The following FRMD4B variants were observed in gnomAD, a reference collection of about 807,000 sequenced individuals.
FRMD4B encodes the protein FERM domain containing 4B, also known as FERM domain-containing protein 4B.
FRMD4B carries 74 observed loss-of-function variants against 141.5 expected under a neutral mutation model. The ratio of observed to expected loss-of-function variants is 0.52; its 90% CI spans 0.43 to 0.63. The LOEUF (loss-of-function observed/expected upper bound fraction) is 0.63. Ranked by LOEUF, FRMD4B falls within the 30% of genes least tolerant of loss-of-function variation. FRMD4B has a pLI of 0.00. For synonymous variants in FRMD4B, 506 were observed against 467.9 expected (o/e 1.08, Z -1.05); for missense variants, 1,366 against 1,253.4 (o/e 1.09, Z -1.36).
At chr3:69,526,204 T>G (rs757092701) in intron 1 of FRMD4B, among the ~76,000 whole-genome samples, 3 of 152,288 alleles carry the variant, frequency 2.0e-5, no homozygotes, top group Non-Finnish European at 2.9e-5. Context: ...CAGGAATTGG[T>G]GTATAAATAC....
At chr3:69,241,776 G>C (rs559842499) in intron 7 of FRMD4B, among the ~76,000 whole-genome samples, 1 of 152,190 alleles carries the variant, frequency 6.6e-6, no homozygotes, top group East Asian at 1.9e-4. Flanking sequence ...CTAATTTCAA[G>C]AAGAATTGCT....
chr3:69,450,498 A>G (rs960203416), intron 1 of FRMD4B, among the ~76,000 whole-genome samples: 4 of 152,216 alleles, frequency 2.6e-5, no homozygotes, highest in African/African-American at 9.6e-5. Flanking sequence ...CACACCACTA[A>G]TCCCAGCACT....
At chr3:69,430,478 TTGTC>T (rs1406498023) in intron 2 of FRMD4B, among the ~76,000 whole-genome samples, 1 of 152,176 alleles carries the variant, frequency 6.6e-6, no homozygotes, top group East Asian at 1.9e-4. Flanking sequence ...TGTAAAGATG[TTGTC>T]TGTCTATTTC....
chr3:69,199,271 C>CA (rs79111173), intron 11 of FRMD4B: 14,489 of 152,428 alleles, frequency 0.095, 970 homozygotes, highest in East Asian at 0.3. Context: ...GACTCCGTCT[C>CA]AAAAAAAACA....
chr3:69,437,497 T>C (rs1174773049), intron 1 of FRMD4B, among the ~76,000 whole-genome samples: 1 of 146,030 alleles, frequency 6.8e-6, no homozygotes, highest in African/African-American at 2.5e-5. Flanking sequence ...GTATTATACA[T>C]AACATACACT....
chr3:69,528,895 C>T (rs907325760), intron 1 of FRMD4B, among the ~76,000 whole-genome samples: 1 of 152,000 alleles, frequency 6.6e-6, no homozygotes, highest in African/African-American at 2.4e-5. Context: ...ACAATATACA[C>T]CCCTTAGTTT....
intron 22 of FRMD4B, among the ~76,000 whole-genome samples, chr3:69,173,690 T>A (rs529753967): frequency 6.2e-4 from 95 of 152,332 alleles, no homozygotes; most frequent in African/African-American, 2.2e-3. Flanking sequence ...CTTCTGTATC[T>A]CCGTGGCTGG....
intron 17 of FRMD4B, among the ~76,000 whole-genome samples, chr3:69,193,227 T>C (rs1387095329): frequency 6.6e-6 from 1 of 152,196 alleles, no homozygotes; most frequent in Non-Finnish European, 1.5e-5. Flanking sequence ...AAACTTAGTT[T>C]GTCAGGCGCA....
At chr3:69,301,295 G>C (rs1055267416) in intron 4 of FRMD4B, among the ~76,000 whole-genome samples, 7 of 152,032 alleles carry the variant, frequency 4.6e-5, no homozygotes, top group Non-Finnish European at 1.0e-4. Flanking sequence ...CTCAAGCTAG[G>C]TAGAGAAATA....
chr3:69,258,466 A>C (rs1032784068), intron 5 of FRMD4B, among the ~76,000 whole-genome samples: 1 of 152,326 alleles, frequency 6.6e-6, no homozygotes, highest in East Asian at 1.9e-4. Context: ...TCAAATCAAT[A>C]CAATTATTTT....
At chr3:69,387,709 T>G (rs1210360740), upstream of FRMD4B, among the ~76,000 whole-genome samples, 1 of 152,230 alleles carries the variant, frequency 6.6e-6, no homozygotes, top group Non-Finnish European at 1.5e-5. Context: ...TGAAACTCAA[T>G]CAGTCAAAAG....
intron 1 of FRMD4B, among the ~76,000 whole-genome samples, chr3:69,319,824 C>T (rs1559802631): frequency 6.6e-6 from 1 of 152,176 alleles, no homozygotes; most frequent in Non-Finnish European, 1.5e-5. Context: ...ACAGATGGTA[C>T]TACACACACT....
At chr3:69,513,828 A>G (rs1295063427) in intron 1 of FRMD4B, among the ~76,000 whole-genome samples, 1 of 152,192 alleles carries the variant, frequency 6.6e-6, no homozygotes, top group East Asian at 1.9e-4. Context: ...CAATCAATGC[A>G]GAAAAAGTAC....
chr3:69,179,790 T>G (rs1185766034), intron 21 of FRMD4B, among the ~76,000 whole-genome samples: 3 of 152,182 alleles, frequency 2.0e-5, no homozygotes, highest in African/African-American at 7.2e-5. Flanking sequence ...TGCTTAATTT[T>G]TAAACATTCC....
In FRMD4B at chr3:69,444,573, T is replaced by A. The variant is rs1414735177; in HGVS notation, c.-128-11812A>T. On this transcript the variant is annotated intron_variant, in intron 1 of 5. Coordinates refer to the FRMD4B transcript ENST00000459638. ...CAACATCTCATGGATTTCTGTGTGATTAGGTTACGCCTGACTCTCACCCCA... is the reference window on the plus strand; with the variant it reads ...CAACATCTCATGGATTTCTGTGTGAATAGGTTACGCCTGACTCTCACCCCA... Among the ~76,000 whole-genome samples, 4 of 152,364 alleles carry A rather than the reference T, an allele frequency of 2.6e-5. No homozygotes were observed. The South Asian group carries it at 8.3e-4, about 32-fold the overall frequency.
At chr3:69,516,338 G>C (rs1438365744) in intron 1 of FRMD4B, among the ~76,000 whole-genome samples, 2 of 152,178 alleles carry the variant, frequency 1.3e-5, no homozygotes, top group African/African-American at 4.8e-5. Flanking sequence ...AGGATCTTAA[G>C]ACGGGGATGT....
intron 1 of FRMD4B, among the ~76,000 whole-genome samples, chr3:69,326,682 G>T (rs1361456513): frequency 6.6e-6 from 1 of 152,176 alleles, no homozygotes; most frequent in Admixed American, 6.5e-5. Flanking sequence ...GCTAGGCCAA[G>T]CTCAAAAAGG....
At position 69,245,830 on chromosome 3, in the gene FRMD4B, ATTTGTTTTTT is replaced by A. The variant is rs1161693532; in HGVS notation, c.581+3386_581+3395del. On this transcript the variant is annotated intron_variant, in intron 7 of 22. Coordinates refer to ENST00000398540, the MANE Select transcript of FRMD4B (RefSeq NM_015123.3). ...AGGCGTCTGCGAACGTGCCAGGCTAATTTGTTTTTTTTTTTTTTTTTTTTTTGAGACAGTT... is the reference window on the plus strand; with the variant it reads ...AGGCGTCTGCGAACGTGCCAGGCTAATTTTTTTTTTTTTTTTGAGACAGTT... 2.3e-3 allele frequency among the ~76,000 whole-genome samples: 240 copies of A among 103,220 alleles called. 1 individual carries two copies. The highest frequency in any genetic ancestry group is 8.5e-3 in the African/African-American group (229 of 26,912). The allele number at this position is 103,220 out of a possible 152,430, so 67.7% of individuals were successfully genotyped here. A position where few individuals can be genotyped will look rare whatever the true frequency, so the allele number is the denominator to read the frequency against.
chr3:69,469,889 G>T (rs137940533), intron 1 of FRMD4B, among the ~76,000 whole-genome samples: 1 of 152,274 alleles, frequency 6.6e-6, no homozygotes, highest in African/African-American at 2.4e-5. Flanking sequence ...TCCCCTCAGG[G>T]TCAAGTACCT....
Sources: allele counts gnomAD v4.1 joint callset (sites outside exome capture counted in the v4.1 genomes callset), GRCh38; gene constraint gnomAD v4.1.1; transcripts MANE v1.5; gene names NCBI Gene and HGNC (gene_info 2026-07-23, HGNC 2026-07-21).